Variants in PTPN4 observed in about 807,000 individuals in gnomAD.
PTPN4 encodes protein tyrosine phosphatase non-receptor type 4.
A neutral mutation model predicts 135.5 loss-of-function variants in PTPN4; 49 were observed. The ratio of observed to expected loss-of-function variants is 0.36; its 90% CI spans 0.29 to 0.46. PTPN4 has a LOEUF of 0.46. Ranked by LOEUF, PTPN4 falls within the 20% of genes least tolerant of loss-of-function variation. The pLI, the probability that PTPN4 is intolerant of heterozygous loss-of-function variation, is 1.00. For missense variants in PTPN4, 860 were observed against 1,101.0 expected, an observed-to-expected ratio of 0.78 and a Z score of 3.10; for synonymous variants, 333 against 369.9, an observed-to-expected ratio of 0.90 and a Z score of 1.14.
intron 3 of PTPN4, among the ~76,000 whole-genome samples, chr2:119,865,240 T>A (rs772559215): frequency 6.6e-6 from 1 of 152,230 alleles, no homozygotes; most frequent in Non-Finnish European, 1.5e-5. Context: ...AATGTGAAAT[T>A]AAGGCTTTGA....
chr2:119,774,615 G>A (rs1690797313), intron 1 of PTPN4, among the ~76,000 whole-genome samples: 1 of 152,180 alleles, frequency 6.6e-6, no homozygotes, highest in Non-Finnish European at 1.5e-5. Flanking sequence ...TAAAGCTGGA[G>A]AATTTAACCC....
chr2:119,965,666 T>C, intron 25 of PTPN4, 21 bp downstream of exon 25: 1 of 1,607,544 alleles, frequency 6.2e-7, no homozygotes, highest in Non-Finnish European at 8.5e-7. Context: ...TTCCGTCTTT[T>C]ATGAGTGTAT....
intron 10 of PTPN4, among the ~76,000 whole-genome samples, chr2:119,901,868 T>G (rs911057510): frequency 2.6e-5 from 4 of 152,110 alleles, no homozygotes; most frequent in African/African-American, 9.7e-5. Flanking sequence ...ATCGGTAGAT[T>G]ATACACAAGA....
intron 11 of PTPN4, among the ~76,000 whole-genome samples, chr2:119,919,716 C>T (rs1183099348): frequency 2.7e-5 from 4 of 149,512 alleles, no homozygotes; most frequent in East Asian, 2.0e-4. Context: ...TCCTGCTGCT[C>T]GGGAGGCTGA....
At chr2:119,911,815 T>C (rs944173131) in intron 10 of PTPN4, among the ~76,000 whole-genome samples, 2 of 152,182 alleles carry the variant, frequency 1.3e-5, no homozygotes, top group Non-Finnish European at 2.9e-5. Context: ...AGAATGACTG[T>C]ATTATTATAA....
intron 2 of PTPN4, among the ~76,000 whole-genome samples, chr2:119,857,608 C>T (rs1294709514): frequency 6.6e-6 from 1 of 151,590 alleles, no homozygotes; most frequent in Non-Finnish European, 1.5e-5. Flanking sequence ...ACCGAGGACT[C>T]CTTACCCTAA....
rs903805477 is a variant in PTPN4, at chr2:119,980,259, G to A, written c.*3189G>A. Reference sequence around the variant, plus strand: ...TACACACACATAGAGCTACTTTTGTGTGTTTATTTATATGTATATTTCACA... The same window carrying A: ...TACACACACATAGAGCTACTTTTGTATGTTTATTTATATGTATATTTCACA... On this transcript the variant is annotated 3_prime_UTR_variant, in exon 27 of 27. Transcript: ENST00000263708. 3.3e-5 allele frequency: 5 copies of A among 152,058 alleles called. No individual in the cohort carries two copies. The highest frequency in any genetic ancestry group is 1.2e-4 in the African/African-American group (5 of 41,438). The allele number at this position is 152,058 out of a possible 1,614,324, so 9.4% of individuals were successfully genotyped here. A position where few individuals can be genotyped will look rare whatever the true frequency, so the allele number is the denominator to read the frequency against.
At chr2:119,903,826 T>A (rs1367166049) in intron 10 of PTPN4, among the ~76,000 whole-genome samples, 2 of 152,178 alleles carry the variant, frequency 1.3e-5, no homozygotes, top group African/African-American at 2.4e-5. Context: ...CCAGCCTACC[T>A]GGCATTTCCA....
chr2:119,939,090 A>G (rs1487862468), intron 15 of PTPN4, among the ~76,000 whole-genome samples: 1 of 152,232 alleles, frequency 6.6e-6, no homozygotes, highest in African/African-American at 2.4e-5. Context: ...AAGAGTTGCT[A>G]TAAGCATATA....
At chr2:119,940,351 T>C (rs1231850679) in intron 15 of PTPN4, among the ~76,000 whole-genome samples, 6 of 152,204 alleles carry the variant, frequency 3.9e-5, no homozygotes, top group African/African-American at 1.4e-4. Context: ...TAATGTAATA[T>C]AAGTAGAGTA....
At chr2:119,795,219 A>T (rs1417790654) in intron 1 of PTPN4, among the ~76,000 whole-genome samples, 1 of 152,064 alleles carries the variant, frequency 6.6e-6, no homozygotes, top group Non-Finnish European at 1.5e-5. Flanking sequence ...GACGGACTGG[A>T]AAAGGCACCA....
intron 9 of PTPN4, among the ~76,000 whole-genome samples, chr2:119,896,741 G>C (rs1290122526): frequency 6.6e-6 from 1 of 150,430 alleles, no homozygotes; most frequent in Non-Finnish European, 1.5e-5. Flanking sequence ...AGTTCATATA[G>C]AAAACACATG....
At chr2:119,795,377 A>G (rs755412224) in intron 1 of PTPN4, among the ~76,000 whole-genome samples, 1 of 152,136 alleles carries the variant, frequency 6.6e-6, no homozygotes, top group Non-Finnish European at 1.5e-5. Flanking sequence ...TGCCCAGGCT[A>G]TTTGTGCCAA....
At chr2:119,918,285 A>G (rs1678686954) in intron 11 of PTPN4, among the ~76,000 whole-genome samples, 1 of 152,222 alleles carries the variant, frequency 6.6e-6, no homozygotes, top group Non-Finnish European at 1.5e-5. Context: ...ATGGGCAAGA[A>G]TTTCTTTAAC....
chr2:119,924,418 G>T (rs1164122915), intron 12 of PTPN4, among the ~76,000 whole-genome samples: 2 of 151,950 alleles, frequency 1.3e-5, no homozygotes, highest in East Asian at 3.8e-4. Context: ...ATTTCAGAAT[G>T]ATTTTTACCT....
At chr2:119,940,662 A>G (rs1679048287) in intron 15 of PTPN4, among the ~76,000 whole-genome samples, 1 of 152,062 alleles carries the variant, frequency 6.6e-6, no homozygotes, top group South Asian at 2.1e-4. Context: ...GTGTCTTGCT[A>G]TGTTGGCCAG....
chr2:119,795,368 G>A (rs1378758748), intron 1 of PTPN4, among the ~76,000 whole-genome samples: 1 of 152,216 alleles, frequency 6.6e-6, no homozygotes, highest in Non-Finnish European at 1.5e-5. Context: ...CGTTCATGGT[G>A]CCCAGGCTAT....
chr2:119,894,510 C>T (rs971038162), intron 9 of PTPN4, among the ~76,000 whole-genome samples: 1 of 152,208 alleles, frequency 6.6e-6, no homozygotes, highest in Non-Finnish European at 1.5e-5. Flanking sequence ...TTTGCATTCT[C>T]ATACTCCATT....
intron 10 of PTPN4, among the ~76,000 whole-genome samples, chr2:119,911,733 A>G (rs1223211823): frequency 2.0e-5 from 3 of 152,086 alleles, no homozygotes; most frequent in African/African-American, 7.2e-5. Flanking sequence ...AGATAAGAAT[A>G]TATATATAGA....
Sources: gnomAD v4.1 joint callset for allele counts (sites outside exome capture counted in the v4.1 genomes callset) on GRCh38, gnomAD v4.1.1 for gene constraint, MANE v1.5 for transcripts, NCBI Gene and HGNC (gene_info 2026-07-23, HGNC 2026-07-21) for gene names.